The following NHSL1 variants were observed in gnomAD, a reference collection of about 807,000 sequenced individuals.
The protein encoded by NHSL1 is NHS like 1, also known as NHS-like protein 1.
In NHSL1, 48 loss-of-function variants were observed where a neutral mutation model predicts 95.0. The observed-to-expected ratio is 0.51, with a 90% CI of 0.40 to 0.64. The LOEUF is 0.64. Among genes scored for constraint, NHSL1 ranks in the 30% least tolerant of loss-of-function variants. NHSL1 has a pLI of 0.00. For missense variants in NHSL1, 1,971 were observed against 2,077.7 expected (o/e 0.95, Z 1.00); for synonymous variants, 783 against 833.9 (o/e 0.94, Z 1.05).
intron 1 of NHSL1, among the ~76,000 whole-genome samples, chr6:138,531,059 G>A (rs968104011): frequency 2.6e-5 from 4 of 152,152 alleles, no homozygotes; most frequent in East Asian, 1.9e-4. Context: ...TCTGCAACCC[G>A]GAAGAGGAAC....
At chr6:138,581,165 A>G (rs918008343) in intron 1 of NHSL1, among the ~76,000 whole-genome samples, 3 of 152,246 alleles carry the variant, frequency 2.0e-5, no homozygotes, top group African/African-American at 7.2e-5. Context: ...GAGCAGCCGT[A>G]GGAAACTGAT....
chr6:138,502,399 T>C (rs922829536), upstream of NHSL1, among the ~76,000 whole-genome samples: 6 of 152,132 alleles, frequency 3.9e-5, no homozygotes, highest in African/African-American at 1.4e-4. Context: ...TTTTTAATTG[T>C]TCAATTTATA....
chr6:138,679,457 G>A (rs1489560845), intron 1 of NHSL1, among the ~76,000 whole-genome samples: 5 of 152,180 alleles, frequency 3.3e-5, no homozygotes, highest in Admixed American at 2.0e-4. Context: ...AATAATCTTA[G>A]ACATAAAATA....
intron 3 of NHSL1, among the ~76,000 whole-genome samples, chr6:138,459,229 C>A (rs1254955219): frequency 6.6e-6 from 1 of 152,136 alleles, no homozygotes. Flanking sequence ...CTCAGGTGAT[C>A]CACCCAACTT....
At chr6:138,499,074 C>T (rs548532307) in intron 1 of NHSL1, among the ~76,000 whole-genome samples, 159 bp downstream of exon 1, 80 of 151,990 alleles carry the variant, frequency 5.3e-4, no homozygotes, top group Middle Eastern at 3.4e-3. Context: ...ATGCCTATTA[C>T]GCTGTTTCAC....
At chr6:138,578,856 A>G (rs537026687) in intron 1 of NHSL1, among the ~76,000 whole-genome samples, 128 of 152,330 alleles carry the variant, frequency 8.4e-4, no homozygotes, top group African/African-American at 2.8e-3. Context: ...GCACAGTGCT[A>G]GACTATAATG....
intron 3 of NHSL1, among the ~76,000 whole-genome samples, chr6:138,448,942 T>C (rs1399667744): frequency 1.3e-5 from 2 of 151,096 alleles, no homozygotes; most frequent in African/African-American, 4.9e-5. Flanking sequence ...ATCCCAGCTA[T>C]TGGGGAGGCT....
intron 1 of NHSL1, chr6:138,650,955 G>C: frequency 1.9e-6 from 1 of 530,854 alleles, no homozygotes; most frequent in South Asian, 1.4e-5. Flanking sequence ...GGCAGATAGA[G>C]GACCTTCCTC....
At chr6:138,577,243 C>T (rs575351999), upstream of NHSL1, among the ~76,000 whole-genome samples, 7 of 152,338 alleles carry the variant, frequency 4.6e-5, no homozygotes, top group South Asian at 4.1e-4. Flanking sequence ...AACCTTTCAA[C>T]GCAACCAGGC....
In NHSL1 at chr6:138,431,148, G is replaced by A; in HGVS notation, c.3197C>T (p.Pro1066Leu). The change falls in exon 6 of 8, where the codon CCC becomes CTC. Residue 1066 changes from proline (P) to leucine (L), a missense_variant. Pro to Leu is a moderately conservative substitution (Grantham distance 98). This residue lies in a region of NHSL1 where 1,602 missense variants were observed against 1,654.5 expected (regional missense o/e 0.97). Transcript: ENST00000343505. The surrounding 1 kb of genome is among the most constrained non-coding windows in gnomAD (Gnocchi z 4.0). ...TKEETSRPPMPLITTEALQMV... is the reference protein window; with the variant it reads ...TKEETSRPPMLLITTEALQMV... Reference sequence around the variant, plus strand: ...CTGCAATGCTTCCGTGGTTATCAGGGGCATGGGGGGCCTGCTGGTCTCCTC... The same window carrying A: ...CTGCAATGCTTCCGTGGTTATCAGGAGCATGGGGGGCCTGCTGGTCTCCTC... 6.4e-7 allele frequency: 1 copy of A among 1,551,564 alleles called. No individual in the cohort carries two copies.
intron 1 of NHSL1, among the ~76,000 whole-genome samples, chr6:138,678,770 G>A (rs1423788515): frequency 1.3e-5 from 2 of 152,146 alleles, no homozygotes; most frequent in Non-Finnish European, 2.9e-5. Flanking sequence ...CAATTTTTAT[G>A]AGGATTAAAT....
intron 1 of NHSL1, among the ~76,000 whole-genome samples, chr6:138,607,175 T>C (rs1275649206): frequency 6.6e-6 from 1 of 152,208 alleles, no homozygotes; most frequent in East Asian, 1.9e-4. Context: ...CTCTGGAAAT[T>C]AGCATCACGC....
chr6:138,436,777 T>G (rs768398461), intron 5 of NHSL1, among the ~76,000 whole-genome samples: 1 of 152,222 alleles, frequency 6.6e-6, no homozygotes, highest in Non-Finnish European at 1.5e-5. Context: ...CTGGTGACTT[T>G]AAGTTGAAGC....
chr6:138,692,440 C>T lies in NHSL1; in HGVS notation c.96+36G>A, dbSNP rs1173053051. ...GGAGCAGCTCTCCGGGTGCCTCCCC[C>T]GCCGGTTCCCCTCCCCCGGCCCGCC... is the stretch of plus-strand genomic sequence containing the variant. On this transcript the variant is annotated intron_variant, in intron 1 of 3. Coordinates refer to the NHSL1 transcript ENST00000491526. This position sits in a 1 kb window ranked among gnomAD's most constrained non-coding sequence, Gnocchi z 4.0. 4.7e-6 allele frequency: 1 copy of T among 210,944 alleles called. No homozygotes were observed. The highest frequency in any genetic ancestry group is 9.4e-6 in the Non-Finnish European group (1 of 106,372). 13.1% of individuals were successfully genotyped at this position (210,944 alleles called of 1,614,324 possible).
intron 1 of NHSL1, among the ~76,000 whole-genome samples, chr6:138,605,463 CA>C (rs1185220879): frequency 1.3e-5 from 2 of 151,770 alleles, no homozygotes; most frequent in Non-Finnish European, 2.9e-5. Flanking sequence ...TCACCCCCCA[CA>C]AAAAAAAGTT....
At chr6:138,585,326 C>T (rs1784118241) in intron 1 of NHSL1, among the ~76,000 whole-genome samples, 1 of 152,128 alleles carries the variant, frequency 6.6e-6, no homozygotes, top group Non-Finnish European at 1.5e-5. Context: ...GAAGTGAGCA[C>T]CCAAGTCTCA....
intron 2 of NHSL1, among the ~76,000 whole-genome samples, chr6:138,478,118 A>T (rs1779201786): frequency 7.5e-6 from 1 of 133,788 alleles, no homozygotes; most frequent in East Asian, 2.3e-4. Flanking sequence ...GGTTCAAGCG[A>T]TTCTCCTGCC....
At chr6:138,603,277 T>G (rs1296716692) in intron 1 of NHSL1, among the ~76,000 whole-genome samples, 1 of 152,116 alleles carries the variant, frequency 6.6e-6, no homozygotes, top group African/African-American at 2.4e-5. Context: ...CTTGAACTCC[T>G]GAGGTCAAGC....
intron 1 of NHSL1, among the ~76,000 whole-genome samples, chr6:138,587,797 G>A (rs1305232939): frequency 3.9e-5 from 6 of 152,216 alleles, no homozygotes; most frequent in Admixed American, 3.9e-4. Context: ...GTGGGTCTCT[G>A]AGTCTAAAAA....
Sources: gnomAD v4.1 joint callset for allele counts (sites outside exome capture counted in the v4.1 genomes callset) on GRCh38, gnomAD v4.1.1 for gene constraint, gnomAD v4.1.1 regional missense constraint, Gnocchi (gnomAD v3.1) non-coding constraint, MANE v1.5 for transcripts, NCBI Gene and HGNC (gene_info 2026-07-23, HGNC 2026-07-21) for gene names.